PRKDC: variants seen among roughly 807,000 people sequenced by gnomAD.
PRKDC encodes the protein protein kinase, DNA-activated, catalytic subunit, also known as DNA-dependent protein kinase catalytic subunit.
Under a neutral mutation model 486.9 loss-of-function variants are expected in PRKDC, and 82 were observed. That is an observed-to-expected ratio of 0.17 (90% CI 0.14 to 0.20). The LOEUF (loss-of-function observed/expected upper bound fraction) is 0.20, where lower values mean the gene tolerates loss of function less well. PRKDC is among the 10% of genes least tolerant of loss of function. The probability of loss-of-function intolerance (pLI) is 1.00; values close to 1 mark genes in which losing one functional copy is unlikely to be tolerated. For synonymous variants in PRKDC, 1,895 were observed against 1,837.0 expected (o/e 1.03, Z -0.81); for missense variants, 4,504 against 5,038.2 (o/e 0.89, Z 3.21).
At chr8:47,871,851 A>T (rs1353442914) in intron 40 of PRKDC, among the ~76,000 whole-genome samples, 1 of 151,908 alleles carries the variant, frequency 6.6e-6, no homozygotes, top group South Asian at 2.1e-4. Context: ...TCGGCCTCCC[A>T]AAGTGCTGGG....
intron 17 of PRKDC, 64 bp from the exon 18 acceptor site, chr8:47,930,076 G>A: frequency 7.1e-7 from 1 of 1,407,802 alleles, no homozygotes; most frequent in Non-Finnish European, 9.8e-7. Context: ...AAATTGTAAG[G>A]GACATAATCG....
chr8:47,959,155 T>C (rs1314518109), intron 1 of PRKDC: 1 of 152,130 alleles, frequency 6.6e-6, no homozygotes, highest in African/African-American at 2.4e-5. Context: ...ATACTCGTGT[T>C]TTAAAGAAGG....
At position 47,954,276 on chromosome 8, in the gene PRKDC, C is replaced by T. The variant is rs894492254; in HGVS notation, c.508+62G>A. The T allele has an allele frequency of 9.2e-5, 65 of 709,242 alleles. 1 individual carries two copies. In the South Asian group the frequency reaches 2.6e-3, roughly 29 times the overall value. The allele number at this position is 709,242 out of a possible 1,614,324, so 43.9% of individuals were successfully genotyped here. The stretch of plus-strand genomic sequence containing the variant: ...TGGTAGAGAAAACCTAAGTCTTATG[C>T]TAATAATTTGTTAATATTAATTTGC... On this transcript the variant is annotated intron_variant, in intron 5 of 85. Coordinates refer to ENST00000314191, the MANE Select transcript of PRKDC (RefSeq NM_006904.7).
chr8:47,943,099 C>G (rs984530183), intron 10 of PRKDC, 110 bp downstream of exon 10: 2 of 1,300,846 alleles, frequency 1.5e-6, no homozygotes, highest in African/African-American at 3.0e-5. Flanking sequence ...TTAAATACTA[C>G]AGAAGCTACA....
At chr8:47,778,945 C>T in intron 81 of PRKDC, 59 bp downstream of exon 81, 1 of 1,460,912 alleles carries the variant, frequency 6.8e-7, no homozygotes, top group South Asian at 1.3e-5. Context: ...CAAAAGAAAA[C>T]ATGCAATTTG....
chr8:47,834,686 CTTTTTT>C (rs1014285595), intron 58 of PRKDC, among the ~76,000 whole-genome samples: 4 of 96,778 alleles, frequency 4.1e-5, no homozygotes, highest in African/African-American at 1.4e-4. Context: ...GAACCCCTGA[CTTTTTT>C]TTTTTTTTTT....
intron 54 of PRKDC, among the ~76,000 whole-genome samples, chr8:47,844,099 G>T (rs1380412103): frequency 6.6e-6 from 1 of 152,102 alleles, no homozygotes; most frequent in Non-Finnish European, 1.5e-5. Flanking sequence ...CCACGCAGTG[G>T]CAAGTTGGAT....
chr8:47,874,080 A>G (rs1481168689), intron 40 of PRKDC, among the ~76,000 whole-genome samples: 1 of 143,816 alleles, frequency 7.0e-6, no homozygotes, highest in Admixed American at 7.3e-5. Flanking sequence ...GGTAGCTGGG[A>G]CTACAGGCGC....
In PRKDC at chr8:47,900,444, T is replaced by C; in HGVS notation, c.3293A>G (p.Gln1098Arg). The stretch of plus-strand genomic sequence containing the variant: ...TATCACCAAGGCTTCAAACACAAAC[T>C]GTTCCACCAGAGACTCTTCTTCCCT... ...EFREEESLVE[Q>R]FVFEALVIYM... Residue 1098 changes from glutamine to arginine, a missense_variant, in exon 28 of 86, where the codon CAG becomes CGG. Gln to Arg is a conservative substitution (Grantham distance 43). Around this residue, in one of 6 missense-constraint regions of PRKDC, gnomAD observed 1,969 missense variants for 2,068.9 expected, o/e 0.95. Transcript: ENST00000314191. 8 of 1,610,548 alleles carry C rather than the reference T, an allele frequency of 5.0e-6. No individual in the cohort carries two copies. Among genetic ancestry groups the C allele is most frequent in the Non-Finnish European group, 6.8e-6 (8 of 1,178,496 alleles).
intron 61 of PRKDC, among the ~76,000 whole-genome samples, chr8:47,829,437 G>A (rs2087813527): frequency 6.6e-6 from 1 of 152,156 alleles, no homozygotes; most frequent in South Asian, 2.1e-4. Context: ...TACTTGAAAA[G>A]TTTACTGTGA....
intron 70 of PRKDC, among the ~76,000 whole-genome samples, chr8:47,801,641 A>G (rs2087110838): frequency 6.6e-6 from 1 of 152,236 alleles, no homozygotes; most frequent in South Asian, 2.1e-4. Context: ...TTGTACATAT[A>G]TTAATAATCC....
Position 47,857,264 on chromosome 8 carries a change from G to C in PRKDC, c.6501C>G (p.Pro2167=). 6.2e-7 allele frequency: 1 copy of C among 1,613,904 alleles called. No homozygotes were observed. Among genetic ancestry groups the C allele is most frequent in the East Asian group, 2.2e-5 (1 of 44,888 alleles). The change falls in exon 49 of 86, where the codon CCC becomes CCG. Residue 2167 remains proline, a synonymous_variant. Coordinates refer to ENST00000314191, the MANE Select transcript of PRKDC (RefSeq NM_006904.7). ...FRPYAKHWLS[P]LLQLAASENN... ...TTTCAGAAGCAGCCAGCTGCAGCAA[G>C]GGGCTAAGCCAGTGCTTCGCGTAAG...
Position 47,935,007 on chromosome 8 carries a change from A to T in PRKDC, c.1497+2T>A. ...TTTCTAAACATTAAATTCAGAATTT[A>T]CCTTTGGAAGGACCACTGGTTTAGA... On this transcript the variant is annotated splice_donor_variant, in intron 14 of 85. Coordinates refer to ENST00000314191, the MANE Select transcript of PRKDC (RefSeq NM_006904.7). LOFTEE classifies it high-confidence loss of function. 6.6e-7 allele frequency: 1 copy of T among 1,511,642 alleles called. No homozygotes were observed. Among genetic ancestry groups the T allele is most frequent in the Non-Finnish European group, 9.0e-7 (1 of 1,115,768 alleles). 93.6% of individuals were successfully genotyped at this position (1,511,642 alleles called of 1,614,324 possible). A position where few individuals can be genotyped will look rare whatever the true frequency, so the allele number is the denominator to read the frequency against.
chr8:47,855,701 G>T (rs936210949), intron 49 of PRKDC, among the ~76,000 whole-genome samples: 1 of 152,224 alleles, frequency 6.6e-6, no homozygotes, highest in African/African-American at 2.4e-5. Context: ...CTGCAGGGCA[G>T]GGGAGCAGCA....
At chr8:47,897,067 T>C (rs2089594493) in intron 30 of PRKDC, 94 bp downstream of exon 30, 1 of 1,313,624 alleles carries the variant, frequency 7.6e-7, no homozygotes, top group Non-Finnish European at 1.0e-6. Context: ...CCATGTTAAC[T>C]GCAATGATAC....
intron 7 of PRKDC, among the ~76,000 whole-genome samples, chr8:47,948,509 G>C (rs961507480): frequency 1.3e-5 from 2 of 148,990 alleles, no homozygotes; most frequent in Non-Finnish European, 3.0e-5. Context: ...GCCCAGGCTG[G>C]AGTGCAATGG....
At chr8:47,865,831 G>A (rs2088795630) in intron 40 of PRKDC, among the ~76,000 whole-genome samples, 1 of 152,092 alleles carries the variant, frequency 6.6e-6, no homozygotes, top group African/African-American at 2.4e-5. Context: ...AGGAGGTAAG[G>A]CTGTTGGGAG....
intron 52 of PRKDC, among the ~76,000 whole-genome samples, chr8:47,850,354 C>T (rs1278665581): frequency 1.3e-5 from 2 of 152,186 alleles, no homozygotes; most frequent in East Asian, 3.9e-4. Flanking sequence ...AAATGCAAAA[C>T]GTTTTGAGCC....
In PRKDC at chr8:47,880,138, C is replaced by T. The variant is rs142723369; in HGVS notation, c.5068-480G>A. ...TGTTGCGATTACAGGCGTGAGCCACCGCACCCAGCCTATACCTCAGCTTTG... is the reference window on the plus strand; with the variant it reads ...TGTTGCGATTACAGGCGTGAGCCACTGCACCCAGCCTATACCTCAGCTTTG... On this transcript the variant is annotated intron_variant, in intron 38 of 85. Transcript: ENST00000314191. Among the ~76,000 whole-genome samples the T allele has an allele frequency of 3.4e-4, 52 of 152,214 alleles. No individual in the cohort carries two copies. In the East Asian group the frequency reaches 8.1e-3, roughly 24 times the overall value.
Sources: gnomAD v4.1 joint callset for allele counts (sites outside exome capture counted in the v4.1 genomes callset) on GRCh38, gnomAD v4.1.1 for gene constraint, gnomAD v4.1.1 regional missense constraint, MANE v1.5 for transcripts, NCBI Gene and HGNC (gene_info 2026-07-23, HGNC 2026-07-21) for gene names.